Variants in STK32B observed in about 807,000 individuals in gnomAD.
STK32B encodes the protein serine/threonine-protein kinase 32B.
Under a neutral mutation model 52.6 loss-of-function variants are expected in STK32B, and 43 were observed. That is an observed-to-expected ratio of 0.82 (90% CI 0.64 to 1.05). The LOEUF (loss-of-function observed/expected upper bound fraction) is 1.05, where lower values mean the gene tolerates loss of function less well. Ranked by LOEUF, STK32B falls within the 50% of genes least tolerant of loss-of-function variation. The probability of loss-of-function intolerance (pLI) is 0.00; values close to 1 mark genes in which losing one functional copy is unlikely to be tolerated. For missense variants in STK32B, 621 were observed against 534.6 expected, an observed-to-expected ratio of 1.16 and a Z score of -1.59; for synonymous variants, 238 against 204.3, an observed-to-expected ratio of 1.17 and a Z score of -1.41.
chr4:5,424,399 C>T (rs775459689), intron 6 of STK32B, among the ~76,000 whole-genome samples: 21 of 152,304 alleles, frequency 1.4e-4, no homozygotes, highest in East Asian at 5.8e-4. Flanking sequence ...TTCCACTGAC[C>T]GGAGTGAGAA....
At chr4:5,176,508 A>G (rs952688444) in intron 3 of STK32B, among the ~76,000 whole-genome samples, 2 of 147,664 alleles carry the variant, frequency 1.4e-5, no homozygotes, top group Admixed American at 6.9e-5. Context: ...CAATGGTGCA[A>G]TCTCGGCTCA....
At chr4:5,107,939 T>C (rs1378310002) in intron 1 of STK32B, among the ~76,000 whole-genome samples, 9 of 152,244 alleles carry the variant, frequency 5.9e-5, no homozygotes, top group Non-Finnish European at 8.8e-5. Flanking sequence ...CACAAATTAT[T>C]GATCTACAGC....
intron 4 of STK32B, among the ~76,000 whole-genome samples, chr4:5,349,941 T>C (rs1421918819): frequency 1.3e-5 from 2 of 151,836 alleles, no homozygotes; most frequent in Non-Finnish European, 2.9e-5. Context: ...AAAATAAAGA[T>C]AAAAGAATAA....
chr4:5,443,648 C>T (rs1577508124), intron 6 of STK32B, among the ~76,000 whole-genome samples: 1 of 152,330 alleles, frequency 6.6e-6, no homozygotes, highest in East Asian at 1.9e-4. Flanking sequence ...TGGTGAGGAA[C>T]TGCATTCCTT....
chr4:5,229,662 A>G (rs1431207225), intron 3 of STK32B, among the ~76,000 whole-genome samples: 2 of 152,208 alleles, frequency 1.3e-5, no homozygotes, highest in Non-Finnish European at 1.5e-5. Context: ...ATAAATGTTT[A>G]TTTATTTTAA....
intron 6 of STK32B, among the ~76,000 whole-genome samples, chr4:5,441,857 A>G (rs1714801027): frequency 2.2e-5 from 3 of 133,570 alleles, no homozygotes; most frequent in African/African-American, 8.4e-5. Flanking sequence ...TCATTTCGTT[A>G]TGTACCCAGT....
rs374601744 is a variant in STK32B at position 5,100,697 on chromosome 4, C to T, written c.53-39208C>T. On this transcript the variant is annotated intron_variant, in intron 1 of 11. Transcript: ENST00000282908. ...CTTTCCTTTCTTACTTTCTTTCTTT[C>T]CTTCCTTCCTTTCTTCCTTCCCTCC... Among the ~76,000 whole-genome samples the T allele has an allele frequency of 1.3e-3, 51 of 39,988 alleles. 2 individuals are homozygous for T. The highest frequency in any genetic ancestry group is 2.5e-3 in the Admixed American group (8 of 3,192). The allele number at this position is 39,988 out of a possible 152,430, so 26.2% of individuals were successfully genotyped here.
At chr4:5,280,742 CA>C (rs568215244) in intron 3 of STK32B, among the ~76,000 whole-genome samples, 2 of 151,704 alleles carry the variant, frequency 1.3e-5, no homozygotes, top group East Asian at 1.9e-4. Context: ...TAAAAACACA[CA>C]AAAAAATTAG....
In STK32B at chr4:5,467,986, C is replaced by G. The variant is rs1432479617; in HGVS notation, c.1042-20C>G. On this transcript the variant is annotated intron_variant, in intron 10 of 11. Transcript: ENST00000282908. This position sits in a 1 kb window ranked among gnomAD's most constrained non-coding sequence, Gnocchi z 5.8. ...GGACCGTGCTTTGTCATTTAGTCAC[C>G]CCTCTGTGCTCTTTGACAGAATGGA... 1 of 1,614,020 alleles carries G rather than the reference C, an allele frequency of 6.2e-7. No individual in the cohort carries two copies. Among genetic ancestry groups the G allele is most frequent in the Admixed American group, 1.7e-5 (1 of 60,024 alleles).
Position 5,398,190 on chromosome 4 carries a change from T to G in STK32B, c.435-17T>G. The G allele has an allele frequency of 6.2e-7, 1 of 1,614,006 alleles. No homozygotes were observed. Among genetic ancestry groups the G allele is most frequent in the East Asian group, 2.2e-5 (1 of 44,882 alleles). Reference sequence around the variant, plus strand: ...GCTCAGGAACCACATTGCCAGCTTCTTTGTTTTCTTTTACAGAGACATCAA... The same window carrying G: ...GCTCAGGAACCACATTGCCAGCTTCGTTGTTTTCTTTTACAGAGACATCAA... On this transcript the variant is annotated splice_polypyrimidine_tract_variant and intron_variant, in intron 4 of 11. Coordinates refer to ENST00000282908, the MANE Select transcript of STK32B (RefSeq NM_018401.3). This position sits in a 1 kb window ranked among gnomAD's most constrained non-coding sequence, Gnocchi z 4.9.
intron 3 of STK32B, among the ~76,000 whole-genome samples, chr4:5,226,331 C>G (rs1468849247): frequency 6.6e-6 from 1 of 152,220 alleles, no homozygotes; most frequent in Non-Finnish European, 1.5e-5. Context: ...TACACGTGGA[C>G]ATCCAGGACA....
chr4:5,032,476 C>CAAAAAAAAAAAAA, the STK32B span, among the ~76,000 whole-genome samples: 25 of 49,682 alleles, frequency 5.0e-4, no homozygotes, highest in Non-Finnish European at 7.7e-4. Context: ...GACTCCATCT[C>CAAAAAAAAAAAAA]AAAAAAAAAA....
At chr4:5,193,372 T>C (rs534804623) in intron 3 of STK32B, among the ~76,000 whole-genome samples, 7 of 152,160 alleles carry the variant, frequency 4.6e-5, no homozygotes, top group African/African-American at 7.2e-5. Flanking sequence ...GCTTAGTAGA[T>C]GAACACACTG....
intron 3 of STK32B, among the ~76,000 whole-genome samples, chr4:5,249,390 A>G (rs1215278704): frequency 6.6e-6 from 1 of 152,032 alleles, no homozygotes; most frequent in Non-Finnish European, 1.5e-5. Context: ...ATGAATTATG[A>G]CAAGGGATCT....
At chr4:5,190,325 G>C (rs143563540) in intron 3 of STK32B, among the ~76,000 whole-genome samples, 3 of 152,118 alleles carry the variant, frequency 2.0e-5, no homozygotes, top group African/African-American at 7.2e-5. Flanking sequence ...AATTTCACAG[G>C]CATCATCTCA....
intron 3 of STK32B, among the ~76,000 whole-genome samples, chr4:5,177,389 C>G (rs774747264): frequency 2.6e-5 from 4 of 152,160 alleles, no homozygotes; most frequent in Non-Finnish European, 4.4e-5. Context: ...AATTGCCTCC[C>G]ACTAGGTCCC....
intron 3 of STK32B, among the ~76,000 whole-genome samples, chr4:5,269,504 G>A (rs975936942): frequency 6.6e-6 from 1 of 152,142 alleles, no homozygotes; most frequent in African/African-American, 2.4e-5. Context: ...TAGAAGCAAG[G>A]CAGTGTGAGG....
chr4:5,144,306 G>A (rs1031317009), intron 2 of STK32B, among the ~76,000 whole-genome samples: 1 of 152,160 alleles, frequency 6.6e-6, no homozygotes, highest in Admixed American at 6.5e-5. Context: ...TGTTGTGAGA[G>A]GTTAATGAGA....
Position 5,317,236 on chromosome 4 carries a change from T to TATATAATATATAACATAACATATAAC in STK32B, c.261-13979_261-13978insATATATAACATAACATATAACATATA, listed in dbSNP as rs1560313387. 3.5e-5 allele frequency among the ~76,000 whole-genome samples: 2 copies of TATATAATATATAACATAACATATAAC among 56,616 alleles called. 1 individual carries two copies. Among genetic ancestry groups the TATATAATATATAACATAACATATAAC allele is most frequent in the East Asian group, 1.2e-3 (2 of 1,670 alleles). 37.1% of individuals were successfully genotyped at this position (56,616 alleles called of 152,430 possible). Reference sequence around the variant, plus strand: ...TAACATATATATATTATATATAACATATATATATTATATATAACATATAAC... The same window carrying TATATAATATATAACATAACATATAAC: ...TAACATATATATATTATATATAACATATATAATATATAACATAACATATAACATATATATTATATATAACATATAAC... On this transcript the variant is annotated intron_variant, in intron 3 of 11. Coordinates refer to ENST00000282908, the MANE Select transcript of STK32B (RefSeq NM_018401.3).
Sources: allele counts gnomAD v4.1 joint callset (sites outside exome capture counted in the v4.1 genomes callset), GRCh38; gene constraint gnomAD v4.1.1; non-coding constraint Gnocchi (gnomAD v3.1); transcripts MANE v1.5; gene names NCBI Gene and HGNC (gene_info 2026-07-23, HGNC 2026-07-21).